PCGF5: variants seen among roughly 807,000 people sequenced by gnomAD.
The protein encoded by PCGF5 is polycomb group RING finger protein 5.
A neutral mutation model predicts 44.3 loss-of-function variants in PCGF5; 9 were observed. That is an observed-to-expected ratio of 0.20 (90% CI 0.12 to 0.35). The LOEUF is 0.35. Ranked by LOEUF, PCGF5 falls within the 10% of genes least tolerant of loss-of-function variation. The probability of loss-of-function intolerance (pLI) is 1.00; values close to 1 mark genes in which losing one functional copy is unlikely to be tolerated. For synonymous variants in PCGF5, 95 were observed against 102.5 expected, an observed-to-expected ratio of 0.93 and a Z score of 0.44; for missense variants, 146 against 305.3, an observed-to-expected ratio of 0.48 and a Z score of 3.89.
rs1374990557 is a variant in PCGF5, at chr10:91,281,481, A to T, written c.*3165A>T. The T allele has an allele frequency of 1.3e-5, 2 of 152,618 alleles. No individual in the cohort carries two copies. Among genetic ancestry groups the T allele is most frequent in the Non-Finnish European group, 2.9e-5 (2 of 67,982 alleles). 9.5% of individuals were successfully genotyped at this position (152,618 alleles called of 1,614,324 possible). A position where few individuals can be genotyped will look rare whatever the true frequency, so the allele number is the denominator to read the frequency against. ...TTACTAAAGTGCATTTCTGTTTTAA[A>T]TTTACTGCATAAAGTTTGAGTTATC... On this transcript the variant is annotated 3_prime_UTR_variant, in exon 10 of 10. Transcript: ENST00000336126.
At chr10:91,223,151 G>A (rs11186505) in intron 2 of PCGF5, among the ~76,000 whole-genome samples, 168 bp downstream of exon 2, 35,320 of 152,004 alleles carry the variant, frequency 0.23, 4,454 homozygotes, top group Non-Finnish European at 0.28. Context: ...GGTTGCCAGT[G>A]GCATGAAATT....
chr10:91,183,662 A>G (rs1452932635), intron 1 of PCGF5, among the ~76,000 whole-genome samples: 1 of 152,130 alleles, frequency 6.6e-6, no homozygotes. Context: ...GTATAGTGTC[A>G]CTGGTCTGTG....
At chr10:91,162,054 G>A (rs1843395135), upstream of PCGF5, among the ~76,000 whole-genome samples, 1 of 152,026 alleles carries the variant, frequency 6.6e-6, no homozygotes, top group South Asian at 2.1e-4. Context: ...AGTTTGACAG[G>A]TGGAGGCGGC....
intron 1 of PCGF5, among the ~76,000 whole-genome samples, chr10:91,204,382 C>T (rs1268877635): frequency 6.6e-6 from 1 of 151,778 alleles, no homozygotes; most frequent in Non-Finnish European, 1.5e-5. Context: ...TAGATGATTG[C>T]ACTCAAGTAA....
chr10:91,188,416 G>A (rs1843966159), intron 1 of PCGF5, among the ~76,000 whole-genome samples: 2 of 152,124 alleles, frequency 1.3e-5, no homozygotes, highest in Admixed American at 6.5e-5. Flanking sequence ...TTACAATGAA[G>A]ACCCTAGAAG....
At chr10:91,235,610 T>C (rs1845138108) in intron 2 of PCGF5, among the ~76,000 whole-genome samples, 1 of 152,050 alleles carries the variant, frequency 6.6e-6, no homozygotes, top group African/African-American at 2.4e-5. Context: ...AAATCTCAAA[T>C]TGAATTGTAA....
intron 2 of PCGF5, among the ~76,000 whole-genome samples, chr10:91,224,839 A>G (rs986091346): frequency 6.6e-6 from 1 of 152,172 alleles, no homozygotes; most frequent in Non-Finnish European, 1.5e-5. Context: ...TATTGTGGAC[A>G]TACTTTGAAG....
At chr10:91,278,205 A>C in intron 9 of PCGF5, 64 bp from the exon 10 acceptor site, 1 of 1,320,092 alleles carries the variant, frequency 7.6e-7, no homozygotes, top group Non-Finnish European at 1.1e-6. Context: ...AAAATCTTTC[A>C]TATATAAACT....
intron 1 of PCGF5, among the ~76,000 whole-genome samples, chr10:91,209,979 T>C (rs1844419075): frequency 6.6e-6 from 1 of 152,208 alleles, no homozygotes; most frequent in Non-Finnish European, 1.5e-5. Flanking sequence ...TGTTGTTTAT[T>C]TGTTCCTTTT....
At chr10:91,254,341 C>T (rs550247391) in intron 6 of PCGF5, among the ~76,000 whole-genome samples, 1 of 151,964 alleles carries the variant, frequency 6.6e-6, no homozygotes, top group Non-Finnish European at 1.5e-5. Flanking sequence ...TTGGCGTGTT[C>T]TTTCCTCTTC....
chr10:91,165,236 G>A (rs922074908), intron 1 of PCGF5, among the ~76,000 whole-genome samples: 1 of 152,162 alleles, frequency 6.6e-6, no homozygotes, highest in African/African-American at 2.4e-5. Flanking sequence ...CACTTAGTAT[G>A]AAAAAAGATA....
intron 2 of PCGF5, among the ~76,000 whole-genome samples, chr10:91,235,542 A>G (rs1468957743): frequency 6.6e-6 from 1 of 151,840 alleles, no homozygotes; most frequent in Non-Finnish European, 1.5e-5. Flanking sequence ...TGTCTCTACA[A>G]AAATTTTAAA....
intron 1 of PCGF5, among the ~76,000 whole-genome samples, chr10:91,169,819 T>C (rs1401417127): frequency 6.6e-6 from 1 of 152,182 alleles, no homozygotes; most frequent in African/African-American, 2.4e-5. Context: ...AATAGCACAA[T>C]ACTGAAGGAG....
intron 6 of PCGF5, among the ~76,000 whole-genome samples, chr10:91,257,735 T>C (rs1265442275): frequency 6.6e-6 from 1 of 152,146 alleles, no homozygotes; most frequent in Non-Finnish European, 1.5e-5. Context: ...TTTTCCATTT[T>C]GTATTTTTGG....
At chr10:91,196,937 A>C (rs769616501) in intron 1 of PCGF5, among the ~76,000 whole-genome samples, 10 of 152,186 alleles carry the variant, frequency 6.6e-5, no homozygotes, top group Non-Finnish European at 1.3e-4. Context: ...CAAGTCTCAC[A>C]GTCTGTCAAG....
intron 1 of PCGF5, among the ~76,000 whole-genome samples, chr10:91,206,957 C>G (rs1382290973): frequency 6.6e-6 from 1 of 152,182 alleles, no homozygotes. Context: ...CAGCACTGAT[C>G]ACTACATGAC....
intron 8 of PCGF5, among the ~76,000 whole-genome samples, chr10:91,270,363 T>C (rs892633439): frequency 7.2e-6 from 1 of 138,684 alleles, no homozygotes; most frequent in South Asian, 2.3e-4. Flanking sequence ...TCTTGACTGA[T>C]ACCAAAGAGA....
the PCGF5 span, among the ~76,000 whole-genome samples, chr10:91,157,060 C>A: frequency 6.6e-6 from 1 of 152,096 alleles, no homozygotes; most frequent in Non-Finnish European, 1.5e-5. Context: ...GTTTTCTCAT[C>A]TAGAAATAAT....
chr10:91,261,463 T>C lies in PCGF5; in HGVS notation c.573+39T>C, dbSNP rs370655804. The C allele has an allele frequency of 2.0e-5, 28 of 1,381,774 alleles. No individual in the cohort carries two copies. The African/African-American group carries it at 3.8e-4, about 19-fold the overall frequency. The allele number at this position is 1,381,774 out of a possible 1,614,324, so 85.6% of individuals were successfully genotyped here. A position where few individuals can be genotyped will look rare whatever the true frequency, so the allele number is the denominator to read the frequency against. On this transcript the variant is annotated intron_variant, in intron 7 of 9. Coordinates refer to ENST00000336126, the MANE Select transcript of PCGF5 (RefSeq NM_032373.5). ...TATCTAAGCTTGATCATTTTGATAA[T>C]TCTGATTTGAAGTAAAATTCTAACA... is the stretch of plus-strand genomic sequence containing the variant.
Sources: gnomAD v4.1 joint callset for allele counts (sites outside exome capture counted in the v4.1 genomes callset) on GRCh38, gnomAD v4.1.1 for gene constraint, MANE v1.5 for transcripts, NCBI Gene and HGNC (gene_info 2026-07-23, HGNC 2026-07-21) for gene names.